PKD1L3: variants seen among roughly 807,000 people sequenced by gnomAD.
The protein encoded by PKD1L3 is polycystin 1 like 3, transient receptor potential channel interacting.
PKD1L3 carries 239 observed loss-of-function variants against 184.1 expected under a neutral mutation model. The observed-to-expected ratio is 1.30, with a 90% CI of 1.17 to 1.45. The LOEUF (loss-of-function observed/expected upper bound fraction) is 1.45. PKD1L3 is among the 40% of genes most tolerant of loss of function. The pLI, the probability that PKD1L3 is intolerant of heterozygous loss-of-function variation, is 0.00. For synonymous variants in PKD1L3, 996 were observed against 778.8 expected (o/e 1.28, Z -4.64); for missense variants, 2,660 against 2,067.2 (o/e 1.29, Z -5.56).
intron 7 of PKD1L3, 49 bp from the exon 8 acceptor site, chr16:71,980,183 A>G (rs970643291): frequency 6.5e-7 from 1 of 1,527,506 alleles, no homozygotes; most frequent in Non-Finnish European, 8.9e-7. Flanking sequence ...TCAGTGTCTT[A>G]TGTTAGTAAA....
chr16:71,966,484 G>C (rs2039506083), intron 15 of PKD1L3, among the ~76,000 whole-genome samples: 1 of 148,416 alleles, frequency 6.7e-6, no homozygotes, highest in South Asian at 2.1e-4. Flanking sequence ...CTGGTGTGCA[G>C]TGGTGCAGAC....
chr16:71,947,043 G>A (rs2038644506), intron 22 of PKD1L3, among the ~76,000 whole-genome samples: 1 of 151,818 alleles, frequency 6.6e-6, no homozygotes, highest in African/African-American at 2.4e-5. Context: ...ATCACCTGAG[G>A]TCAGGAGTTC....
intron 22 of PKD1L3, among the ~76,000 whole-genome samples, chr16:71,947,245 G>A (rs2038652035): frequency 6.6e-6 from 1 of 152,068 alleles, no homozygotes; most frequent in African/African-American, 2.4e-5. Flanking sequence ...CAACAAGAGT[G>A]AAACTCCGTC....
chr16:71,935,933 C>T (rs2038159824), intron 25 of PKD1L3, among the ~76,000 whole-genome samples: 1 of 151,952 alleles, frequency 6.6e-6, no homozygotes, highest in Admixed American at 6.6e-5. Flanking sequence ...GTAGCAGGGA[C>T]CACGAGCACA....
chr16:71,979,716 C>G (rs1280762176), intron 9 of PKD1L3, 70 bp downstream of exon 9: 2 of 1,443,938 alleles, frequency 1.4e-6, no homozygotes, highest in Non-Finnish European at 1.8e-6. Flanking sequence ...TGATACATTA[C>G]TTTCACCCAA....
chr16:71,963,105 TAATAA>T (rs2039344732), intron 16 of PKD1L3, 95 bp downstream of exon 16: 17 of 1,251,288 alleles, frequency 1.4e-5, no homozygotes, highest in Admixed American at 3.0e-5. Flanking sequence ...AATAATACAT[TAATAA>T]AATGTTAATT....
chr16:71,933,564 C>G (rs944709543), intron 27 of PKD1L3, 43 bp from the exon 28 acceptor site: 2 of 1,387,298 alleles, frequency 1.4e-6, no homozygotes, highest in Admixed American at 3.9e-5. Context: ...GCCGAGCGCA[C>G]ATCTTTCTAT....
chr16:71,968,024 A>G lies in PKD1L3; in HGVS notation c.2185-17T>C. 6.5e-7 allele frequency: 1 copy of G among 1,541,500 alleles called. No homozygotes were observed. Among genetic ancestry groups the G allele is most frequent in the Non-Finnish European group, 8.8e-7 (1 of 1,138,134 alleles). ...GACCTTCACCTGCAAGAAAAGCAGAACCATGCAACTTACTAGGCCTCCACT... is the reference window on the plus strand; with the variant it reads ...GACCTTCACCTGCAAGAAAAGCAGAGCCATGCAACTTACTAGGCCTCCACT... On this transcript the variant is annotated splice_polypyrimidine_tract_variant and intron_variant, in intron 13 of 29. Coordinates refer to ENST00000620267, the MANE Select transcript of PKD1L3 (RefSeq NM_181536.2).
intron 3 of PKD1L3, among the ~76,000 whole-genome samples, chr16:71,990,548 T>G (rs1388287570): frequency 1.3e-5 from 2 of 151,996 alleles, no homozygotes; most frequent in Admixed American, 6.6e-5. Context: ...GCCTGGCCAG[T>G]GTGGTGAAAC....
intron 15 of PKD1L3, 45 bp downstream of exon 15, chr16:71,967,092 G>T (rs1281322638): frequency 6.6e-7 from 1 of 1,507,776 alleles, no homozygotes; most frequent in Admixed American, 2.1e-5. Context: ...TTCTCTCTTG[G>T]ATCCACAAAG....
chr16:71,999,606 A>T, intron 1 of PKD1L3, 78 bp downstream of exon 1: 1 of 1,309,636 alleles, frequency 7.6e-7, no homozygotes, highest in Non-Finnish European at 1.0e-6. Context: ...AGAAAGATTA[A>T]GATTTTCTTT....
chr16:71,945,288 A>G (rs1377031859), intron 22 of PKD1L3, among the ~76,000 whole-genome samples: 2 of 66,382 alleles, frequency 3.0e-5, no homozygotes, highest in African/African-American at 6.3e-5. Flanking sequence ...ATATATATAT[A>G]TATATATATA....
Position 71,929,628 on chromosome 16 carries a change from T to TAACA in PKD1L3, c.5105_5108dup (p.Leu1703PhefsTer13). 6.4e-7 allele frequency: 1 copy of TAACA among 1,551,772 alleles called. No homozygotes were observed. ...AGGTTTTTTGGGGCCAACTGATTCC[T>TAACA]AACAAATTTGAGAGCTTCTGTAGCA... is the stretch of plus-strand genomic sequence containing the variant. On this transcript the variant is annotated frameshift_variant, in exon 30 of 30. Coordinates refer to ENST00000620267, the MANE Select transcript of PKD1L3 (RefSeq NM_181536.2). LOFTEE classifies it low-confidence loss of function (END_TRUNC).
At chr16:71,957,866 C>T (rs1005059266) in intron 16 of PKD1L3, among the ~76,000 whole-genome samples, 7 of 152,064 alleles carry the variant, frequency 4.6e-5, no homozygotes, top group African/African-American at 1.7e-4. Context: ...ATTACTAGAG[C>T]CAAAGACATT....
chr16:71,953,194 C>T (rs1316595196), intron 17 of PKD1L3, 101 bp from the exon 18 acceptor site: 23 of 967,812 alleles, frequency 2.4e-5, no homozygotes, highest in Middle Eastern at 2.2e-4. Context: ...AAGTTAACTA[C>T]GTTTATCTAG....
chr16:71,961,826 T>C (rs754843767), intron 16 of PKD1L3, among the ~76,000 whole-genome samples: 5 of 152,166 alleles, frequency 3.3e-5, no homozygotes, highest in Admixed American at 6.6e-5. Flanking sequence ...TATGCCGCAA[T>C]TGTAATTGGA....
chr16:71,991,107 A>T (rs1306376857), intron 3 of PKD1L3: 1 of 160,380 alleles, frequency 6.2e-6, no homozygotes, highest in Non-Finnish European at 1.4e-5. Context: ...GACGACCTTG[A>T]TTGATACAGC....
rs768507548 is a variant in PKD1L3 at position 71,969,986 on chromosome 16, G to C, written c.2073C>G (p.Phe691Leu). ...TVNVEDTIKL[F>L]LRVTNNPVGV... ...CAACAGGATTGTTGGTCACGCGAAG[G>C]AACAGTTTGATCGTGTCTTCAACAT... Residue 691 changes from phenylalanine (F) to leucine (L), a missense_variant, in exon 13 of 30, where the codon TTC becomes TTG. Phe to Leu is a conservative substitution (Grantham distance 22). Transcript: ENST00000620267. 1 of 1,551,668 alleles carries C rather than the reference G, an allele frequency of 6.4e-7. No homozygotes were observed. The highest frequency in any genetic ancestry group is 8.7e-7 in the Non-Finnish European group (1 of 1,147,042).
At chr16:71,950,431 T>C (rs1025265271) in intron 19 of PKD1L3, 121 bp from the exon 20 acceptor site, 11 of 858,334 alleles carry the variant, frequency 1.3e-5, no homozygotes, top group Non-Finnish European at 1.8e-5. Flanking sequence ...CTAGCAGAGA[T>C]TGGACCGTAC....
Sources: gnomAD v4.1 joint callset for allele counts (sites outside exome capture counted in the v4.1 genomes callset) on GRCh38, gnomAD v4.1.1 for gene constraint, MANE v1.5 for transcripts, NCBI Gene and HGNC (gene_info 2026-07-23, HGNC 2026-07-21) for gene names.